COPG2: variants seen among roughly 807,000 people sequenced by gnomAD.
The protein encoded by COPG2 is coatomer subunit gamma-2.
A neutral mutation model predicts 46.3 loss-of-function variants in COPG2; 37 were observed. That is an observed-to-expected ratio of 0.80 (90% CI 0.61 to 1.05). The LOEUF is 1.05. Among genes scored for constraint, COPG2 ranks in the 50% least tolerant of loss-of-function variants. The probability of loss-of-function intolerance (pLI) is 0.00; values close to 1 mark genes in which losing one functional copy is unlikely to be tolerated. For missense variants in COPG2, 427 were observed against 387.8 expected, an observed-to-expected ratio of 1.10 and a Z score of -0.85; for synonymous variants, 159 against 129.7, an observed-to-expected ratio of 1.23 and a Z score of -1.53.
At chr7:130,575,927 T>C (rs1554446162) in intron 9 of COPG2, among the ~76,000 whole-genome samples, 1 of 152,054 alleles carries the variant, frequency 6.6e-6, no homozygotes, top group Non-Finnish European at 1.5e-5. Flanking sequence ...TATTCTTATA[T>C]CAGACAAAAC....
intron 9 of COPG2, among the ~76,000 whole-genome samples, chr7:130,571,247 A>G (rs1793892367): frequency 6.6e-6 from 1 of 152,254 alleles, no homozygotes; most frequent in South Asian, 2.1e-4. Context: ...TAATCAGCAT[A>G]GTAAACAGAC....
chr7:130,523,561 A>C (rs1227710611), intron 20 of COPG2, among the ~76,000 whole-genome samples: 2 of 152,122 alleles, frequency 1.3e-5, no homozygotes, highest in African/African-American at 4.8e-5. Context: ...CAGGTGTGGG[A>C]ACACAGTTCC....
intron 20 of COPG2, among the ~76,000 whole-genome samples, chr7:130,537,323 A>T (rs915577542): frequency 1.3e-5 from 2 of 149,762 alleles, no homozygotes; most frequent in African/African-American, 4.9e-5. Flanking sequence ...TGGACAGCAG[A>T]GCGTGTGGAT....
At chr7:130,574,107 C>T (rs181603112) in intron 9 of COPG2, among the ~76,000 whole-genome samples, 72 of 152,194 alleles carry the variant, frequency 4.7e-4, no homozygotes, top group Non-Finnish European at 9.3e-4. Context: ...TGCCCATCAA[C>T]TAATGAAAAA....
At chr7:130,618,071 A>T (rs1357604770) in intron 5 of COPG2, among the ~76,000 whole-genome samples, 2 of 120,204 alleles carry the variant, frequency 1.7e-5, no homozygotes, top group Non-Finnish European at 3.3e-5. Flanking sequence ...ACTGTACTCC[A>T]ACCTGGGTGA....
At chr7:130,533,479 G>T (rs891896975) in intron 20 of COPG2, among the ~76,000 whole-genome samples, 1 of 151,908 alleles carries the variant, frequency 6.6e-6, no homozygotes, top group African/African-American at 2.4e-5. Context: ...TGGAAGGAGG[G>T]TGCAGCGGTT....
chr7:130,662,484 G>GT (rs1795997554), intron 4 of COPG2, among the ~76,000 whole-genome samples: 1 of 152,242 alleles, frequency 6.6e-6, no homozygotes, highest in Admixed American at 6.5e-5. Flanking sequence ...AGCAGCAGCT[G>GT]TATGTTCTGA....
intron 5 of COPG2, among the ~76,000 whole-genome samples, chr7:130,644,826 C>CCGAG (rs1461185872): frequency 5.9e-5 from 9 of 152,166 alleles, no homozygotes; most frequent in African/African-American, 2.2e-4. Flanking sequence ...TTTTGGGAGG[C>CCGAG]CGAGGCAGGC....
intron 1 of COPG2, 43 bp from the exon 2 acceptor site, chr7:130,667,577 C>G: frequency 4.0e-6 from 6 of 1,497,942 alleles, no homozygotes; most frequent in Non-Finnish European, 5.6e-6. Context: ...AACAGCTGTT[C>G]TACACAAACT....
intron 5 of COPG2, among the ~76,000 whole-genome samples, chr7:130,635,121 A>G (rs576469000): frequency 6.7e-6 from 1 of 149,640 alleles, no homozygotes; most frequent in South Asian, 2.2e-4. Flanking sequence ...CCCGTATTTT[A>G]TTGAGGATTT....
Position 130,564,341 on chromosome 7 carries a change from C to T in COPG2, c.790G>A (p.Glu264Lys). The change falls in exon 10 of 24, where the codon GAA (glutamate) becomes AAA (lysine). Residue 264 changes from glutamate to lysine, a missense_variant. Transcript: ENST00000425248. Reference sequence around the variant, plus strand: ...GAAGCAGCTTCATAAATAACCATTTCATGTTTATTTCGCAAGCAGCTCTCA... The same window carrying T: ...GAAGCAGCTTCATAAATAACCATTTTATGTTTATTTCGCAAGCAGCTCTCA... The part of the protein sequence containing the change: ...FIESCLRNKH[E>K]MVIYEAASAI... 1 of 398,574 alleles carries T rather than the reference C, an allele frequency of 2.5e-6. No individual in the cohort carries two copies. The highest frequency in any genetic ancestry group is 4.4e-6 in the Non-Finnish European group (1 of 226,054). 24.7% of individuals were successfully genotyped at this position (398,574 alleles called of 1,614,324 possible). A position where few individuals can be genotyped will look rare whatever the true frequency, so the allele number is the denominator to read the frequency against.
chr7:130,662,269 G>T (rs1795994972), intron 4 of COPG2, among the ~76,000 whole-genome samples: 1 of 152,120 alleles, frequency 6.6e-6, no homozygotes. Context: ...TCCATAACAA[G>T]ACTCAAATCT....
chr7:130,639,436 T>C (rs956100689), intron 5 of COPG2, among the ~76,000 whole-genome samples: 2 of 152,204 alleles, frequency 1.3e-5, no homozygotes, highest in Non-Finnish European at 2.9e-5. Flanking sequence ...TTCCAAGTTT[T>C]TTCCAATCAA....
intron 9 of COPG2, among the ~76,000 whole-genome samples, chr7:130,604,106 A>T (rs949742616): frequency 6.6e-6 from 1 of 152,186 alleles, no homozygotes; most frequent in African/African-American, 2.4e-5. Context: ...GTGGAAGAGG[A>T]GGTCTTGATG....
At chr7:130,510,952 A>C (rs1799585486) in intron 20 of COPG2, 1 of 520,002 alleles carries the variant, frequency 1.9e-6, no homozygotes, top group Non-Finnish European at 3.8e-6. Flanking sequence ...ATCAGGAAAG[A>C]ATGCCCTGAA....
At chr7:130,620,975 G>C (rs1206387995) in intron 5 of COPG2, among the ~76,000 whole-genome samples, 2 of 152,204 alleles carry the variant, frequency 1.3e-5, no homozygotes, top group African/African-American at 2.4e-5. Flanking sequence ...TTGCAGATGT[G>C]ATTAAGTTAA....
chr7:130,590,864 C>T (rs1375953223), intron 9 of COPG2, among the ~76,000 whole-genome samples: 22 of 151,756 alleles, frequency 1.4e-4, no homozygotes, highest in Admixed American at 1.2e-3. Context: ...TCTGCCCAGC[C>T]GCCCCGTCTG....
At chr7:130,552,873 C>G (rs1793554333) in intron 14 of COPG2, among the ~76,000 whole-genome samples, 3 of 152,162 alleles carry the variant, frequency 2.0e-5, no homozygotes, top group Non-Finnish European at 4.4e-5. Context: ...AGACATGTCC[C>G]TGATCTCAAG....
At chr7:130,648,028 C>T (rs1000508978) in intron 5 of COPG2, among the ~76,000 whole-genome samples, 9 of 152,054 alleles carry the variant, frequency 5.9e-5, no homozygotes, top group Admixed American at 5.9e-4. Flanking sequence ...CCGTGCCCAG[C>T]CTATCTCACT....
Sources: gnomAD v4.1 joint callset for allele counts (sites outside exome capture counted in the v4.1 genomes callset) on GRCh38, gnomAD v4.1.1 for gene constraint, MANE v1.5 for transcripts, NCBI Gene and HGNC (gene_info 2026-07-23, HGNC 2026-07-21) for gene names.